CDH13: variants seen among roughly 807,000 people sequenced by gnomAD.
CDH13 encodes cadherin-13.
A neutral mutation model predicts 63.8 loss-of-function variants in CDH13; 24 were observed. The observed-to-expected ratio is 0.38, with a 90% confidence interval of 0.27 to 0.53. CDH13 has a LOEUF of 0.53. Among genes scored for constraint, CDH13 ranks in the 20% least tolerant of loss-of-function variants. CDH13 has a pLI of 0.85. For missense variants in CDH13, 1,049 were observed against 903.1 expected, an observed-to-expected ratio of 1.16 and a Z score of -2.07; for synonymous variants, 503 against 355.3, an observed-to-expected ratio of 1.42 and a Z score of -4.67.
intron 6 of CDH13, among the ~76,000 whole-genome samples, chr16:83,411,810 G>C (rs1208014565): frequency 6.6e-6 from 1 of 152,188 alleles, no homozygotes; most frequent in African/African-American, 2.4e-5. Flanking sequence ...AACAAGTATG[G>C]AGCATCTCAT....
intron 1 of CDH13, among the ~76,000 whole-genome samples, chr16:82,856,767 A>ATG (rs2151163470): frequency 6.6e-6 from 1 of 151,526 alleles, no homozygotes; most frequent in East Asian, 1.9e-4. Context: ...CCAATAGGGA[A>ATG]TGAGGAAATA....
At chr16:83,447,872 C>A (rs189124500) in intron 6 of CDH13, among the ~76,000 whole-genome samples, 141 of 151,760 alleles carry the variant, frequency 9.3e-4, no homozygotes, top group African/African-American at 3.3e-3. Context: ...CAAGAAGCTC[C>A]CACATCAAGT....
At chr16:83,046,849 G>A (rs766386201) in intron 3 of CDH13, among the ~76,000 whole-genome samples, 4 of 152,118 alleles carry the variant, frequency 2.6e-5, no homozygotes, top group Non-Finnish European at 5.9e-5. Flanking sequence ...AGGGAGGATT[G>A]TGAAATCCTT....
chr16:83,558,295 A>G (rs1445793322), intron 7 of CDH13, among the ~76,000 whole-genome samples: 1 of 152,152 alleles, frequency 6.6e-6, no homozygotes, highest in African/African-American at 2.4e-5. Flanking sequence ...GTTAGCAGAG[A>G]GGGATGATGT....
intron 4 of CDH13, among the ~76,000 whole-genome samples, chr16:83,204,175 G>T (rs1340611507): frequency 2.0e-5 from 3 of 152,160 alleles, no homozygotes; most frequent in Non-Finnish European, 2.9e-5. Flanking sequence ...GGGTCTACTG[G>T]GTTGAGTGCT....
Position 82,847,741 on chromosome 16 carries a change from A to G in CDH13, c.46-10621A>G, listed in dbSNP as rs376500677. The stretch of plus-strand genomic sequence containing the variant: ...GTTATCTCATTAAAGCTTCCCAGTG[A>G]CCGTTTCTCTAGCAAAGAGCATGTG... On this transcript the variant is annotated intron_variant, in intron 1 of 13. Transcript: ENST00000567109. Among the ~76,000 whole-genome samples the G allele has an allele frequency of 1.1e-3, 170 of 152,276 alleles. 3 individuals are homozygous for G. In the Middle Eastern group the frequency reaches 0.017, roughly 15 times the overall value.
intron 7 of CDH13, among the ~76,000 whole-genome samples, chr16:83,595,168 G>A (rs927161651): frequency 1.3e-4 from 20 of 152,184 alleles, no homozygotes; most frequent in African/African-American, 4.8e-4. Context: ...TTGACACAGT[G>A]CATTTCTTCC....
At chr16:83,393,073 A>G (rs1020603575) in intron 6 of CDH13, among the ~76,000 whole-genome samples, 1 of 152,208 alleles carries the variant, frequency 6.6e-6, no homozygotes, top group Non-Finnish European at 1.5e-5. Context: ...GAATAAATAC[A>G]TAGATAAATA....
intron 2 of CDH13, among the ~76,000 whole-genome samples, chr16:83,021,634 G>A (rs770097500): frequency 2.1e-4 from 32 of 152,320 alleles, no homozygotes; most frequent in African/African-American, 7.5e-4. Flanking sequence ...CTGCTGACAT[G>A]ATAGAATTGA....
At chr16:83,541,035 A>C (rs1244484022) in intron 7 of CDH13, among the ~76,000 whole-genome samples, 2 of 152,078 alleles carry the variant, frequency 1.3e-5, no homozygotes, top group South Asian at 2.1e-4. Context: ...GATCATCTTG[A>C]CGTCTCCTGG....
rs140894715 is a variant in CDH13 at position 82,642,765 on chromosome 16, C to T, written c.45+15628C>T. Among the ~76,000 whole-genome samples the T allele has an allele frequency of 4.6e-5, 7 of 152,264 alleles. No individual in the cohort carries two copies. In the East Asian group the frequency reaches 1.4e-3, roughly 29 times the overall value. ...AGTGTGGTGCTGATTTTGAACCAGG[C>T]CTGGTGTGAGTGCTTCAGATGCATT... On this transcript the variant is annotated intron_variant, in intron 1 of 13. Coordinates refer to ENST00000567109, the MANE Select transcript of CDH13 (RefSeq NM_001257.5).
At chr16:83,252,731 G>A (rs1047426900) in intron 5 of CDH13, among the ~76,000 whole-genome samples, 1 of 152,056 alleles carries the variant, frequency 6.6e-6, no homozygotes, top group African/African-American at 2.4e-5. Flanking sequence ...CTAGGGAGGA[G>A]TGCGCCTGAC....
At chr16:82,760,901 A>T (rs1353816862) in intron 1 of CDH13, among the ~76,000 whole-genome samples, 3 of 151,428 alleles carry the variant, frequency 2.0e-5, no homozygotes, top group African/African-American at 7.3e-5. Flanking sequence ...ATAGAGGGAG[A>T]ACTCACTCAT....
Position 83,387,448 on chromosome 16 carries a change from G to C in CDH13, c.781+42442G>C, listed in dbSNP as rs565447053. Among the ~76,000 whole-genome samples the C allele has an allele frequency of 2.6e-5, 4 of 152,278 alleles. No individual in the cohort carries two copies. The East Asian group carries it at 7.7e-4, about 29-fold the overall frequency. ...GCTCAAAATGGATATTAGCTCTTGG[G>C]TGTGTTTCATCGATTTGGGCACAGG... On this transcript the variant is annotated intron_variant, in intron 6 of 13. Transcript: ENST00000567109.
chr16:83,568,449 T>C lies in CDH13; in HGVS notation c.961-34005T>C, dbSNP rs10048147. On this transcript the variant is annotated intron_variant, in intron 7 of 13. Transcript: ENST00000567109. ...TCATTTATGAGGTTTCTGAGCATAA[T>C]GAATGTCCGCACATGTCACTGAGTT... Among the ~76,000 whole-genome samples the C allele has an allele frequency of 3.5e-3, 530 of 152,316 alleles. 2 individuals carry two copies. Among genetic ancestry groups the C allele is most frequent in the African/African-American group, 0.011 (444 of 41,558 alleles).
chr16:82,861,242 G>T (rs1756162079), intron 2 of CDH13, among the ~76,000 whole-genome samples: 1 of 152,186 alleles, frequency 6.6e-6, no homozygotes. Flanking sequence ...ATCATCTTGT[G>T]CCCTACTCAT....
intron 6 of CDH13, among the ~76,000 whole-genome samples, chr16:83,449,226 C>G (rs563035893): frequency 5.9e-5 from 9 of 152,156 alleles, no homozygotes; most frequent in African/African-American, 1.4e-4. Context: ...TAATGTCAAG[C>G]CCTTGGAGAT....
chr16:82,735,827 C>T (rs935603795), intron 1 of CDH13, among the ~76,000 whole-genome samples: 1 of 152,182 alleles, frequency 6.6e-6, no homozygotes, highest in African/African-American at 2.4e-5. Flanking sequence ...TAGCAAGTTT[C>T]ATTTTTAACT....
chr16:83,516,102 C>G (rs2074693415), intron 7 of CDH13, among the ~76,000 whole-genome samples: 1 of 152,172 alleles, frequency 6.6e-6, no homozygotes, highest in African/African-American at 2.4e-5. Context: ...GGGTTCTTAT[C>G]TTCATCATAA....
Sources: allele counts gnomAD v4.1 joint callset (sites outside exome capture counted in the v4.1 genomes callset), GRCh38; gene constraint gnomAD v4.1.1; transcripts MANE v1.5; gene names NCBI Gene and HGNC (gene_info 2026-07-23, HGNC 2026-07-21).